NAA50: variants seen among roughly 807,000 people sequenced by gnomAD.
NAA50 encodes the protein N-alpha-acetyltransferase 50, NatE catalytic subunit.
Under a neutral mutation model 20.7 loss-of-function variants are expected in NAA50, and 7 were observed. The observed-to-expected ratio is 0.34, with a 90% CI of 0.19 to 0.63. The LOEUF (loss-of-function observed/expected upper bound fraction) is 0.63. Ranked by LOEUF, NAA50 falls within the 30% of genes least tolerant of loss-of-function variation. The pLI, the probability that NAA50 is intolerant of heterozygous loss-of-function variation, is 0.75. For missense variants in NAA50, 111 were observed against 199.1 expected (o/e 0.56, Z 2.66); for synonymous variants, 54 against 70.6 (o/e 0.77, Z 1.18).
intron 1 of NAA50, chr3:113,740,914 C>A: frequency 2.1e-6 from 1 of 473,504 alleles, no homozygotes; most frequent in East Asian, 5.4e-5. Flanking sequence ...TCAATGACTC[C>A]ATCATAAGGA....
chr3:113,722,282 C>T (rs1478600902), intron 4 of NAA50, among the ~76,000 whole-genome samples: 1 of 152,008 alleles, frequency 6.6e-6, no homozygotes, highest in Non-Finnish European at 1.5e-5. Flanking sequence ...AAATAAAAAA[C>T]TAGGGTCTCA....
intron 1 of NAA50, 180 bp downstream of exon 1, chr3:113,745,762 G>A (rs1174444506): frequency 8.3e-6 from 6 of 719,894 alleles, no homozygotes; most frequent in South Asian, 2.1e-5. Flanking sequence ...CCTTCAGCCC[G>A]CCAACAGCCC....
Position 113,723,527 on chromosome 3 carries a change from TATC to T in NAA50, c.157_159del (p.Asp53del). 1 of 1,605,190 alleles carries T rather than the reference TATC, an allele frequency of 6.2e-7. No homozygotes were observed. The highest frequency in any genetic ancestry group is 8.5e-7 in the Non-Finnish European group (1 of 1,176,458). ...CTACAGCATACTGCACCTACAGCAA[TATC>T]ATTGAAATAGGCTGCCAAGGAAAAC... On this transcript the variant is annotated inframe_deletion, in exon 3 of 5. Transcript: ENST00000240922.
intron 1 of NAA50, among the ~76,000 whole-genome samples, chr3:113,736,032 G>A (rs761116113): frequency 2.6e-4 from 40 of 152,132 alleles, no homozygotes; most frequent in Non-Finnish European, 5.1e-4. Flanking sequence ...CATTAAGTTC[G>A]ATGCTAATAT....
At chr3:113,745,897 C>A in intron 1 of NAA50, 45 bp downstream of exon 1, 1 of 1,599,050 alleles carries the variant, frequency 6.3e-7, no homozygotes, top group Non-Finnish European at 8.5e-7. Context: ...GGGCCCGGAC[C>A]CTTCTACCCC....
Position 113,724,060 on chromosome 3 carries a change from T to G in NAA50, c.44A>C (p.Asn15Thr). ...ATTCAATCTTTTCAACTGTTTAATA[T>G]TGTGTGGTGTCACATCTCCCAGCTC... ...RIELGDVTPH[N>T]IKQLKRLNQV... The change falls in exon 2 of 5, where the codon AAT becomes ACT. Residue 15 changes from asparagine to threonine, a missense_variant. Transcript: ENST00000240922. 6.2e-7 allele frequency: 1 copy of G among 1,604,072 alleles called. No individual in the cohort carries two copies. Among genetic ancestry groups the G allele is most frequent in the Non-Finnish European group, 8.5e-7 (1 of 1,175,462 alleles).
In NAA50 at chr3:113,723,507, G is replaced by A. The variant is rs1708161190; in HGVS notation, c.180C>T (p.Cys60=). The A allele has an allele frequency of 3.1e-6, 5 of 1,612,332 alleles. No individual in the cohort carries two copies. Among genetic ancestry groups the A allele is most frequent in the Non-Finnish European group, 4.2e-6 (5 of 1,179,044 alleles). Residue 60 remains cysteine, a synonymous_variant, in exon 3 of 5, where the codon TGC becomes TGT. Coordinates refer to ENST00000240922, the MANE Select transcript of NAA50 (RefSeq NM_025146.4). The part of the protein sequence containing the change: ...YFNDIAVGAV[C]CRVDHSQNQK... Reference sequence around the variant, plus strand: ...GATTCTGTGAATGATCCACCCTACAGCATACTGCACCTACAGCAATATCAT... The same window carrying A: ...GATTCTGTGAATGATCCACCCTACAACATACTGCACCTACAGCAATATCAT...
intron 1 of NAA50, among the ~76,000 whole-genome samples, chr3:113,743,311 A>G (rs1444978292): frequency 6.6e-6 from 1 of 152,242 alleles, no homozygotes; most frequent in African/African-American, 2.4e-5. Flanking sequence ...CCAATTTTAG[A>G]TATTTCAATT....
intron 1 of NAA50, 129 bp downstream of exon 1, chr3:113,745,813 G>C: frequency 1.8e-6 from 2 of 1,142,324 alleles, no homozygotes; most frequent in Non-Finnish European, 2.4e-6. Context: ...AGGGAACTGA[G>C]AAGCAGAGAA....
intron 1 of NAA50, among the ~76,000 whole-genome samples, chr3:113,729,190 T>C (rs1436154036): frequency 2.6e-5 from 4 of 152,168 alleles, no homozygotes; most frequent in African/African-American, 9.7e-5. Flanking sequence ...TTCACCATGT[T>C]GGCCAGGCTG....
Position 113,720,137 on chromosome 3 carries a change from T to C in NAA50, c.*1623A>G, listed in dbSNP as rs1430025200. The C allele has an allele frequency of 1.3e-5, 2 of 152,666 alleles. No homozygotes were observed. The highest frequency in any genetic ancestry group is 2.9e-5 in the Non-Finnish European group (2 of 68,028). 9.5% of individuals were successfully genotyped at this position (152,666 alleles called of 1,614,324 possible). On this transcript the variant is annotated 3_prime_UTR_variant, in exon 5 of 5. Transcript: ENST00000240922. Reference sequence around the variant, plus strand: ...ACTGTCTTCTTTTTCTGTATTATTCTTGGCACTCAAGATTGTTGAAGTCTA... The same window carrying C: ...ACTGTCTTCTTTTTCTGTATTATTCCTGGCACTCAAGATTGTTGAAGTCTA...
intron 4 of NAA50, 88 bp from the exon 5 acceptor site, chr3:113,722,025 G>C: frequency 8.2e-7 from 1 of 1,223,212 alleles, no homozygotes; most frequent in South Asian, 1.5e-5. Context: ...CCAAACATCT[G>C]TTACATTCTC....
chr3:113,731,679 T>A (rs916548666), intron 1 of NAA50, among the ~76,000 whole-genome samples: 4 of 152,218 alleles, frequency 2.6e-5, no homozygotes, highest in African/African-American at 9.7e-5. Flanking sequence ...TCTACAAATG[T>A]GCCTTTACTA....
At position 113,745,067 on chromosome 3, in the gene NAA50, T is replaced by G. The variant is rs564801102; in HGVS notation, c.8+875A>C. On this transcript the variant is annotated intron_variant, in intron 1 of 4. Transcript: ENST00000240922. ...GGGTAAAGACAAGCTCCAAAACGGC[T>G]TGAGACAATGCTTCGGAAAAATGTT... is the stretch of plus-strand genomic sequence containing the variant. Among the ~76,000 whole-genome samples the G allele has an allele frequency of 1.4e-4, 21 of 152,340 alleles. No homozygotes were observed. The South Asian group carries it at 4.3e-3, about 32-fold the overall frequency.
intron 1 of NAA50, among the ~76,000 whole-genome samples, chr3:113,735,577 T>C (rs1295045389): frequency 6.6e-6 from 1 of 152,256 alleles, no homozygotes; most frequent in Non-Finnish European, 1.5e-5. Flanking sequence ...CAATGTAGAC[T>C]ATCTTAATTT....
At position 113,720,237 on chromosome 3, in the gene NAA50, T is replaced by C. The variant is rs1708117398; in HGVS notation, c.*1523A>G. ...TGTGCATAAACATTTTATAAAATAA[T>C]TTTGTCATTTAACATATTTGGAAAT... On this transcript the variant is annotated 3_prime_UTR_variant, in exon 5 of 5. Transcript: ENST00000240922. 1 of 152,510 alleles carries C rather than the reference T, an allele frequency of 6.6e-6. No individual in the cohort carries two copies. The highest frequency in any genetic ancestry group is 1.5e-5 in the Non-Finnish European group (1 of 68,024). The allele number at this position is 152,510 out of a possible 1,614,324, so 9.4% of individuals were successfully genotyped here.
intron 1 of NAA50, among the ~76,000 whole-genome samples, chr3:113,729,815 C>T (rs1359155529): frequency 1.3e-5 from 2 of 152,124 alleles, no homozygotes; most frequent in African/African-American, 4.8e-5. Flanking sequence ...GCCTCAGCCT[C>T]CCAAAGTGCT....
chr3:113,735,140 G>A (rs1577071445), intron 1 of NAA50, among the ~76,000 whole-genome samples: 2 of 152,284 alleles, frequency 1.3e-5, no homozygotes, highest in Non-Finnish European at 2.9e-5. Context: ...AGAAAAGAAT[G>A]TAAGAAACAC....
At chr3:113,735,051 CAT>C (rs927396911) in intron 1 of NAA50, among the ~76,000 whole-genome samples, 3 of 152,178 alleles carry the variant, frequency 2.0e-5, no homozygotes, top group African/African-American at 7.2e-5. Flanking sequence ...TTTCCTGAAA[CAT>C]AACTAATTCA....
Sources: allele counts gnomAD v4.1 joint callset (sites outside exome capture counted in the v4.1 genomes callset), GRCh38; gene constraint gnomAD v4.1.1; transcripts MANE v1.5; gene names NCBI Gene and HGNC (gene_info 2026-07-23, HGNC 2026-07-21).